The following THSD4 variants were observed in gnomAD, a reference collection of about 807,000 sequenced individuals.
THSD4 encodes the protein thrombospondin type-1 domain-containing protein 4.
Under a neutral mutation model 119.0 loss-of-function variants are expected in THSD4, and 69 were observed. The ratio of observed to expected loss-of-function variants is 0.58; its 90% CI spans 0.48 to 0.71. The LOEUF (loss-of-function observed/expected upper bound fraction) is 0.71. Among genes scored for constraint, THSD4 ranks in the 30% least tolerant of loss-of-function variants. The pLI, the probability that THSD4 is intolerant of heterozygous loss-of-function variation, is 0.00. For synonymous variants in THSD4, 524 were observed against 540.4 expected, an observed-to-expected ratio of 0.97 and a Z score of 0.42; for missense variants, 1,393 against 1,391.1, an observed-to-expected ratio of 1.00 and a Z score of -0.02.
At chr15:71,327,116 G>A (rs1453120843) in intron 6 of THSD4, among the ~76,000 whole-genome samples, 3 of 151,892 alleles carry the variant, frequency 2.0e-5, no homozygotes, top group South Asian at 2.1e-4. Flanking sequence ...GTGGTGAGCC[G>A]AGGTCACACC....
At chr15:71,180,170 A>T (rs1442565507) in intron 3 of THSD4, among the ~76,000 whole-genome samples, 2 of 30,214 alleles carry the variant, frequency 6.6e-5, no homozygotes, top group African/African-American at 8.8e-5. Context: ...AAAAAAAAAA[A>T]TAAAAAAAAA....
intron 7 of THSD4, among the ~76,000 whole-genome samples, chr15:71,452,764 G>A (rs915306261): frequency 2.6e-5 from 4 of 151,938 alleles, no homozygotes; most frequent in African/African-American, 9.7e-5. Context: ...TACAGGTGCC[G>A]CCACCACACC....
At chr15:71,719,243 A>AAG (rs1441992131) in intron 8 of THSD4, among the ~76,000 whole-genome samples, 2 of 152,190 alleles carry the variant, frequency 1.3e-5, no homozygotes, top group African/African-American at 4.8e-5. Context: ...TAGAGTGCCA[A>AAG]AGAGAAAGCC....
intron 6 of THSD4, among the ~76,000 whole-genome samples, chr15:71,405,136 AC>A (rs1161131205): frequency 6.6e-6 from 1 of 152,014 alleles, no homozygotes; most frequent in African/African-American, 2.4e-5. Context: ...CAATCCACCC[AC>A]CTTGGCCTCC....
At chr15:71,638,813 A>T (rs78075143) in intron 7 of THSD4, among the ~76,000 whole-genome samples, 4,459 of 152,294 alleles carry the variant, frequency 0.029, 108 homozygotes, top group Non-Finnish European at 0.044. Context: ...CTTGAGTGAC[A>T]ACTACTGTAA....
intron 7 of THSD4, among the ~76,000 whole-genome samples, chr15:71,596,865 G>A (rs1010450309): frequency 6.6e-6 from 1 of 152,204 alleles, no homozygotes; most frequent in African/African-American, 2.4e-5. Flanking sequence ...GGTGACCCTG[G>A]TTCTCCTGGC....
chr15:71,120,084 C>A (rs1319992237), intron 1 of THSD4, among the ~76,000 whole-genome samples: 10 of 152,202 alleles, frequency 6.6e-5, no homozygotes, highest in Non-Finnish European at 1.5e-4. Flanking sequence ...TATATGTAAT[C>A]TCAGGCCCCC....
At chr15:71,266,904 G>T (rs2044471080) in intron 6 of THSD4, among the ~76,000 whole-genome samples, 1 of 151,918 alleles carries the variant, frequency 6.6e-6, no homozygotes, top group African/African-American at 2.4e-5. Context: ...GTGAAGACAA[G>T]ATTAGAGAAA....
At chr15:71,357,569 C>A (rs2045835488) in intron 6 of THSD4, among the ~76,000 whole-genome samples, 2 of 152,282 alleles carry the variant, frequency 1.3e-5, no homozygotes, top group Non-Finnish European at 1.5e-5. Context: ...TGCAGAGCCC[C>A]ACGCCCTTGC....
At chr15:71,285,325 G>T (rs111421787) in intron 6 of THSD4, among the ~76,000 whole-genome samples, 22 of 152,248 alleles carry the variant, frequency 1.4e-4, no homozygotes, top group African/African-American at 5.3e-4. Context: ...ACTTGTGTCT[G>T]TTGAGTAGTT....
At chr15:71,394,645 C>T (rs764899635) in intron 6 of THSD4, among the ~76,000 whole-genome samples, 1 of 152,148 alleles carries the variant, frequency 6.6e-6, no homozygotes, top group Non-Finnish European at 1.5e-5. Flanking sequence ...TGTCTTCCTC[C>T]CTACTCCTCC....
chr15:71,411,819 G>A lies in THSD4; in HGVS notation c.1148G>A (p.Cys383Tyr). Residue 383 changes from cysteine (C) to tyrosine (Y), a missense_variant, in exon 7 of 18, where the codon TGC (cysteine) becomes TAC (tyrosine). Physicochemically the swap from Cys to Tyr is radical, Grantham distance 194 (BLOSUM62 -2). Coordinates refer to ENST00000261862, the MANE Select transcript of THSD4 (RefSeq NM_024817.3). ...ACGGCCATCTGTGTGTCTGGGCAGT[G>A]CAAGGTAAGTGCCCCCGAACTGGGG... is the stretch of plus-strand genomic sequence containing the variant. ...NGTAICVSGQ[C>Y]KSIGCDDYLG... 1.2e-6 allele frequency: 2 copies of A among 1,613,958 alleles called. No homozygotes were observed. The highest frequency in any genetic ancestry group is 1.7e-6 in the Non-Finnish European group (2 of 1,179,930).
chr15:71,261,476 G>A (rs1278226926), intron 6 of THSD4, among the ~76,000 whole-genome samples: 1 of 152,164 alleles, frequency 6.6e-6, no homozygotes, highest in Non-Finnish European at 1.5e-5. Context: ...CAGTTTGTGT[G>A]ATATATTACA....
chr15:71,271,379 C>T (rs557566110), intron 6 of THSD4, among the ~76,000 whole-genome samples: 1 of 152,286 alleles, frequency 6.6e-6, no homozygotes, highest in East Asian at 1.9e-4. Context: ...TACAAGAGCA[C>T]ATACTGTCTG....
rs1438867715 is a variant in THSD4, at chr15:71,782,429, T to C, written c.*5055T>C. On this transcript the variant is annotated 3_prime_UTR_variant, in exon 18 of 18. Transcript: ENST00000261862. The stretch of plus-strand genomic sequence containing the variant: ...GAAGGATATACTTTGTTATAACTTA[T>C]TATTTTGTTCTCTGTAAATACAAGA... 1 of 152,268 alleles carries C rather than the reference T, an allele frequency of 6.6e-6. No homozygotes were observed. Among genetic ancestry groups the C allele is most frequent in the South Asian group, 2.1e-4 (1 of 4,834 alleles). 9.4% of individuals were successfully genotyped at this position (152,268 alleles called of 1,614,324 possible).
chr15:71,321,962 A>G (rs28551537), intron 6 of THSD4, among the ~76,000 whole-genome samples: 22,641 of 152,076 alleles, frequency 0.15, 1,734 homozygotes, highest in South Asian at 0.29. Flanking sequence ...AAATATTAAC[A>G]ACAATCAAAG....
At chr15:71,672,225 G>C (rs1349780759) in intron 8 of THSD4, among the ~76,000 whole-genome samples, 1 of 152,104 alleles carries the variant, frequency 6.6e-6, no homozygotes, top group East Asian at 1.9e-4. Context: ...TGGATTCCTA[G>C]GTATTTTATT....
At chr15:71,591,999 GC>G (rs1567052068) in intron 7 of THSD4, among the ~76,000 whole-genome samples, 1 of 152,148 alleles carries the variant, frequency 6.6e-6, no homozygotes, top group Non-Finnish European at 1.5e-5. Flanking sequence ...AGATGTTAAT[GC>G]CCCTCATTTT....
At chr15:71,106,543 T>C (rs1460276511) in intron 1 of THSD4, among the ~76,000 whole-genome samples, 1 of 152,190 alleles carries the variant, frequency 6.6e-6, no homozygotes, top group Non-Finnish European at 1.5e-5. Context: ...ATCCCTTAAC[T>C]TGGGCCTACT....
Sources: allele counts gnomAD v4.1 joint callset (sites outside exome capture counted in the v4.1 genomes callset), GRCh38; gene constraint gnomAD v4.1.1; transcripts MANE v1.5; gene names NCBI Gene and HGNC (gene_info 2026-07-23, HGNC 2026-07-21).